The following SLC30A8 variants were observed in gnomAD, a reference collection of about 807,000 sequenced individuals.
SLC30A8 encodes proton-coupled zinc antiporter SLC30A8.
A neutral mutation model predicts 36.9 loss-of-function variants in SLC30A8; 27 were observed. That is an observed-to-expected ratio of 0.73 (90% CI 0.54 to 1.01). The LOEUF (loss-of-function observed/expected upper bound fraction) is 1.01. SLC30A8 is among the 50% of genes least tolerant of loss of function. SLC30A8 has a pLI of 0.00. For missense variants in SLC30A8, 439 were observed against 452.0 expected (o/e 0.97, Z 0.26); for synonymous variants, 164 against 172.4 (o/e 0.95, Z 0.38).
chr8:117,111,940 C>A (rs1235712673), intron 2 of SLC30A8, among the ~76,000 whole-genome samples: 2 of 152,060 alleles, frequency 1.3e-5, no homozygotes, highest in Non-Finnish European at 2.9e-5. Context: ...GTCTAGAAAA[C>A]AAGGCCAATC....
chr8:117,134,295 C>G (rs545720913), upstream of SLC30A8, among the ~76,000 whole-genome samples: 4 of 152,114 alleles, frequency 2.6e-5, no homozygotes, highest in African/African-American at 9.6e-5. Context: ...GGGTTTACTC[C>G]TGTTCTCCAG....
At chr8:117,092,700 G>T (rs149636094) in intron 2 of SLC30A8, among the ~76,000 whole-genome samples, 1 of 152,312 alleles carries the variant, frequency 6.6e-6, no homozygotes, top group East Asian at 1.9e-4. Flanking sequence ...GGCACAGGCA[G>T]GTGCCCTTAT....
At chr8:117,074,800 C>T (rs1486226209) in intron 2 of SLC30A8, among the ~76,000 whole-genome samples, 1 of 152,020 alleles carries the variant, frequency 6.6e-6, no homozygotes, top group East Asian at 1.9e-4. Context: ...CTTTTCCATC[C>T]TTCATATCTC....
rs762361544 is a variant in SLC30A8 at position 117,174,019 on chromosome 8, A to G, written c.*1338A>G. 1 of 152,156 alleles carries G rather than the reference A, an allele frequency of 6.6e-6. No homozygotes were observed. The allele number at this position is 152,156 out of a possible 1,614,324, so 9.4% of individuals were successfully genotyped here. On this transcript the variant is annotated 3_prime_UTR_variant, in exon 8 of 8. Coordinates refer to ENST00000456015, the MANE Select transcript of SLC30A8 (RefSeq NM_173851.3). ...GAAGGACATTCTAGGCAAAAAGAAG[A>G]CTAGGCACAAGGCACACTTATGTTT...
chr8:117,063,380 A>G (rs1818077366), intron 2 of SLC30A8, among the ~76,000 whole-genome samples: 1 of 152,162 alleles, frequency 6.6e-6, no homozygotes, highest in African/African-American at 2.4e-5. Flanking sequence ...ACAGGAATAA[A>G]TCAGAAATGT....
intron 2 of SLC30A8, among the ~76,000 whole-genome samples, chr8:117,098,930 A>C (rs935587001): frequency 3.3e-5 from 5 of 152,168 alleles, no homozygotes; most frequent in Admixed American, 6.5e-5. Context: ...TAGAAACCAG[A>C]GACACCAAGT....
At chr8:117,106,584 A>T (rs6982630) in intron 2 of SLC30A8, among the ~76,000 whole-genome samples, 1 of 151,972 alleles carries the variant, frequency 6.6e-6, no homozygotes, top group African/African-American at 2.4e-5. Flanking sequence ...AACTGCTGAG[A>T]ATTAGAGCTT....
intron 1 of SLC30A8, among the ~76,000 whole-genome samples, chr8:117,011,601 G>C (rs1343711638): frequency 1.3e-5 from 2 of 152,124 alleles, no homozygotes; most frequent in African/African-American, 4.8e-5. Context: ...AGAGTTCGTG[G>C]TGGACCCTCT....
chr8:117,026,298 A>G (rs1316250673), intron 1 of SLC30A8, among the ~76,000 whole-genome samples: 1 of 152,196 alleles, frequency 6.6e-6, no homozygotes, highest in Non-Finnish European at 1.5e-5. Flanking sequence ...TGACAGATAA[A>G]GATAAGTCAA....
chr8:117,003,968 A>T (rs1228576534), intron 1 of SLC30A8, among the ~76,000 whole-genome samples: 1 of 152,216 alleles, frequency 6.6e-6, no homozygotes, highest in African/African-American at 2.4e-5. Flanking sequence ...AAAAAAACCC[A>T]CTTTATCAAT....
At chr8:117,014,879 G>A (rs138328017) in intron 1 of SLC30A8, among the ~76,000 whole-genome samples, 226 of 152,250 alleles carry the variant, frequency 1.5e-3, no homozygotes, top group Non-Finnish European at 2.5e-3. Context: ...TCTGGCTGAT[G>A]TCACATGAAT....
At chr8:117,075,245 T>G (rs551819186) in intron 2 of SLC30A8, among the ~76,000 whole-genome samples, 1 of 152,314 alleles carries the variant, frequency 6.6e-6, no homozygotes, top group East Asian at 1.9e-4. Flanking sequence ...AGGAGAAAAC[T>G]ATGTCTTTCT....
At chr8:116,979,630 G>T (rs1317170016) in intron 1 of SLC30A8, among the ~76,000 whole-genome samples, 1 of 152,198 alleles carries the variant, frequency 6.6e-6, no homozygotes, top group East Asian at 1.9e-4. Flanking sequence ...AAGAAAAATG[G>T]CAGAACCTAT....
At chr8:117,078,471 T>C (rs1818560414) in intron 2 of SLC30A8, among the ~76,000 whole-genome samples, 1 of 152,152 alleles carries the variant, frequency 6.6e-6, no homozygotes, top group Non-Finnish European at 1.5e-5. Flanking sequence ...TTCTAGATTT[T>C]TTTTTTCTTT....
chr8:116,992,639 G>C lies in SLC30A8; in HGVS notation c.-266+41520G>C, dbSNP rs141371147. Among the ~76,000 whole-genome samples the C allele has an allele frequency of 9.9e-5, 15 of 152,264 alleles. No homozygotes were observed. The East Asian group carries it at 2.9e-3, about 29-fold the overall frequency. Reference sequence around the variant, plus strand: ...TTTGTATGCAGTCTCTCTATGAGGAGCTTATCAGTTACCAAGGGCTACCTG... The same window carrying C: ...TTTGTATGCAGTCTCTCTATGAGGACCTTATCAGTTACCAAGGGCTACCTG... On this transcript the variant is annotated intron_variant, in intron 1 of 10. Coordinates refer to the SLC30A8 transcript ENST00000427715.
At chr8:117,110,656 A>C (rs1277810494) in intron 2 of SLC30A8, among the ~76,000 whole-genome samples, 1 of 152,224 alleles carries the variant, frequency 6.6e-6, no homozygotes, top group Non-Finnish European at 1.5e-5. Flanking sequence ...TGGGCTGAGA[A>C]GGGTCCGTCC....
intron 1 of SLC30A8, among the ~76,000 whole-genome samples, chr8:117,141,316 C>T (rs1028544938): frequency 8.6e-5 from 13 of 152,006 alleles, no homozygotes; most frequent in South Asian, 2.1e-4. Context: ...TATAAAATTA[C>T]GAACAATGAT....
At chr8:117,033,229 A>G (rs1413403604) in intron 1 of SLC30A8, among the ~76,000 whole-genome samples, 1 of 152,236 alleles carries the variant, frequency 6.6e-6, no homozygotes, top group Non-Finnish European at 1.5e-5. Context: ...AAGTAGCCAA[A>G]AGGTGGAAAG....
chr8:117,150,760 C>T (rs1375297718), intron 2 of SLC30A8, among the ~76,000 whole-genome samples: 2 of 152,096 alleles, frequency 1.3e-5, no homozygotes, highest in Non-Finnish European at 2.9e-5. Context: ...CGCCTGCCAC[C>T]ACGCTCGGCT....
Sources: allele counts gnomAD v4.1 joint callset (sites outside exome capture counted in the v4.1 genomes callset), GRCh38; gene constraint gnomAD v4.1.1; transcripts MANE v1.5; gene names NCBI Gene and HGNC (gene_info 2026-07-23, HGNC 2026-07-21).